KCNT2: variants seen among roughly 807,000 people sequenced by gnomAD.
The protein encoded by KCNT2 is potassium channel subfamily T member 2.
A neutral mutation model predicts 153.8 loss-of-function variants in KCNT2; 67 were observed. That is an observed-to-expected ratio of 0.44 (90% CI 0.36 to 0.53). KCNT2 has a LOEUF of 0.53. Among genes scored for constraint, KCNT2 ranks in the 20% least tolerant of loss-of-function variants. The pLI, the probability that KCNT2 is intolerant of heterozygous loss-of-function variation, is 0.00. For missense variants in KCNT2, 975 were observed against 1,354.8 expected (o/e 0.72, Z 4.40); for synonymous variants, 500 against 458.8 (o/e 1.09, Z -1.15).
chr1:196,448,019 T>C (rs1213539622), intron 8 of KCNT2, among the ~76,000 whole-genome samples: 1 of 151,582 alleles, frequency 6.6e-6, no homozygotes, highest in South Asian at 2.1e-4. Context: ...CTAATGGATC[T>C]CCTAGGATAA....
chr1:196,281,238 C>A (rs1294161826), intron 24 of KCNT2, among the ~76,000 whole-genome samples: 1 of 151,998 alleles, frequency 6.6e-6, no homozygotes, highest in Admixed American at 6.6e-5. Context: ...CATGCTTATC[C>A]ATGTATTAAA....
intron 26 of KCNT2, among the ~76,000 whole-genome samples, chr1:196,256,721 T>A (rs1366461235): frequency 6.6e-6 from 1 of 150,410 alleles, no homozygotes; most frequent in African/African-American, 2.4e-5. Flanking sequence ...TATATATATA[T>A]ATATATATAT....
chr1:196,418,478 A>G (rs1672930482), intron 12 of KCNT2, among the ~76,000 whole-genome samples: 1 of 152,118 alleles, frequency 6.6e-6, no homozygotes, highest in Non-Finnish European at 1.5e-5. Context: ...AAGAACAACA[A>G]CAACAACAAC....
intron 16 of KCNT2, among the ~76,000 whole-genome samples, chr1:196,338,100 A>C (rs1027159355): frequency 2.0e-5 from 3 of 152,166 alleles, no homozygotes; most frequent in African/African-American, 7.2e-5. Flanking sequence ...GTAAATGACA[A>C]ATAGGATTAC....
intron 1 of KCNT2, among the ~76,000 whole-genome samples, chr1:196,532,179 C>G (rs1219728987): frequency 6.6e-6 from 1 of 151,918 alleles, no homozygotes; most frequent in Non-Finnish European, 1.5e-5. Context: ...AACATAAGTC[C>G]ATGAGACATC....
intron 13 of KCNT2, among the ~76,000 whole-genome samples, chr1:196,393,742 G>A (rs1272086789): frequency 6.6e-6 from 1 of 151,378 alleles, no homozygotes; most frequent in Non-Finnish European, 1.5e-5. Flanking sequence ...CTTTAATCGT[G>A]GTTTGCAACT....
intron 13 of KCNT2, among the ~76,000 whole-genome samples, chr1:196,392,145 G>T (rs369848817): frequency 6.6e-6 from 1 of 151,270 alleles, no homozygotes; most frequent in East Asian, 1.9e-4. Flanking sequence ...GTGGCAAAAT[G>T]TTAACAGTTT....
intron 25 of KCNT2, among the ~76,000 whole-genome samples, chr1:196,268,049 A>T (rs1657713538): frequency 6.6e-6 from 1 of 152,162 alleles, no homozygotes; most frequent in African/African-American, 2.4e-5. Context: ...TTAAAATGAC[A>T]GACCTAACAA....
At chr1:196,349,307 G>A (rs1386456534) in intron 14 of KCNT2, among the ~76,000 whole-genome samples, 2 of 152,042 alleles carry the variant, frequency 1.3e-5, no homozygotes, top group African/African-American at 4.8e-5. Flanking sequence ...TAATATTTTA[G>A]GCAGATCCCA....
chr1:196,371,716 C>G (rs1049355967), intron 14 of KCNT2, among the ~76,000 whole-genome samples: 2 of 151,982 alleles, frequency 1.3e-5, no homozygotes, highest in African/African-American at 4.8e-5. Flanking sequence ...TCACTAAAAT[C>G]TTTTTTTAAC....
At position 196,461,820 on chromosome 1, in the gene KCNT2, CT is replaced by C. The variant is rs1312800406; in HGVS notation, c.638+3472del. Among the ~76,000 whole-genome samples the C allele has an allele frequency of 3.3e-5, 5 of 151,744 alleles. No individual in the cohort carries two copies. The East Asian group carries it at 9.7e-4, about 29-fold the overall frequency. On this transcript the variant is annotated intron_variant, in intron 8 of 27. Coordinates refer to ENST00000294725, the MANE Select transcript of KCNT2 (RefSeq NM_198503.5). Reference sequence around the variant, plus strand: ...CATAGAGAGTGGGTCAGCACAGCAGCTTAATTTTTATTTCAGTTTGGCACTA... The same window carrying C: ...CATAGAGAGTGGGTCAGCACAGCAGCTAATTTTTATTTCAGTTTGGCACTA...
intron 21 of KCNT2, among the ~76,000 whole-genome samples, chr1:196,314,889 G>T (rs1306879599): frequency 6.6e-6 from 1 of 151,644 alleles, no homozygotes; most frequent in Non-Finnish European, 1.5e-5. Context: ...CCAGGTATGT[G>T]CTAAGTAAGG....
At chr1:196,328,159 T>C (rs1195712881) in intron 18 of KCNT2, among the ~76,000 whole-genome samples, 1 of 152,126 alleles carries the variant, frequency 6.6e-6, no homozygotes, top group Non-Finnish European at 1.5e-5. Context: ...AGAGGCTATG[T>C]AAAATAACAT....
intron 26 of KCNT2, among the ~76,000 whole-genome samples, chr1:196,238,322 A>G (rs1654628299): frequency 6.6e-6 from 1 of 151,874 alleles, no homozygotes; most frequent in East Asian, 1.9e-4. Flanking sequence ...TTTTGTGCCA[A>G]TATTTTTTTT....
chr1:196,538,227 C>T (rs79819658), intron 1 of KCNT2, among the ~76,000 whole-genome samples: 3,278 of 152,208 alleles, frequency 0.022, 120 homozygotes, highest in African/African-American at 0.074. Context: ...TACTGCCACC[C>T]AGGTTCCCAC....
At chr1:196,452,480 A>T (rs1676304257) in intron 8 of KCNT2, among the ~76,000 whole-genome samples, 2 of 151,932 alleles carry the variant, frequency 1.3e-5, no homozygotes, top group African/African-American at 4.8e-5. Flanking sequence ...ATTCATGTAG[A>T]TGACTCCCTC....
chr1:196,240,429 T>C (rs111934096), intron 26 of KCNT2, among the ~76,000 whole-genome samples: 1,650 of 152,168 alleles, frequency 0.011, 19 homozygotes, highest in Non-Finnish European at 0.015. Context: ...TTCACATTGA[T>C]TTATAGTTCT....
intron 13 of KCNT2, among the ~76,000 whole-genome samples, chr1:196,383,129 G>A (rs1332742688): frequency 6.6e-6 from 1 of 152,102 alleles, no homozygotes; most frequent in Non-Finnish European, 1.5e-5. Flanking sequence ...GGCACAGGAA[G>A]ACTCTAAACT....
chr1:196,565,987 T>G (rs1437528361), intron 1 of KCNT2, among the ~76,000 whole-genome samples: 1 of 151,920 alleles, frequency 6.6e-6, no homozygotes, highest in Admixed American at 6.6e-5. Flanking sequence ...ACTATAAAAA[T>G]AAGTATCTGA....
Sources: gnomAD v4.1 joint callset for allele counts (sites outside exome capture counted in the v4.1 genomes callset) on GRCh38, gnomAD v4.1.1 for gene constraint, MANE v1.5 for transcripts, NCBI Gene and HGNC (gene_info 2026-07-23, HGNC 2026-07-21) for gene names.